Variants in RANBP17 observed in about 807,000 individuals in gnomAD.
The protein encoded by RANBP17 is ran-binding protein 17.
A neutral mutation model predicts 141.2 loss-of-function variants in RANBP17; 158 were observed. The observed-to-expected ratio is 1.12, with a 90% CI of 0.98 to 1.28. The LOEUF (loss-of-function observed/expected upper bound fraction) is 1.28. RANBP17 is among the 50% of genes most tolerant of loss of function. The pLI is 0.00. For missense variants in RANBP17, 1,438 were observed against 1,290.7 expected (o/e 1.11, Z -1.75); for synonymous variants, 430 against 450.0 (o/e 0.96, Z 0.56).
chr5:171,298,485 T>G (rs1165192760), intron 27 of RANBP17, among the ~76,000 whole-genome samples: 1 of 152,232 alleles, frequency 6.6e-6, no homozygotes, highest in African/African-American at 2.4e-5. Flanking sequence ...TCTAAAATTG[T>G]TTTTTAAAAG....
intron 14 of RANBP17, among the ~76,000 whole-genome samples, chr5:171,077,942 C>T (rs111582606): frequency 0.026 from 4,005 of 152,126 alleles, 156 homozygotes; most frequent in African/African-American, 0.09. Flanking sequence ...GAGGAAGCTA[C>T]AGAAGAAAAG....
At chr5:171,129,570 G>A (rs1045970528) in intron 14 of RANBP17, among the ~76,000 whole-genome samples, 5 of 152,164 alleles carry the variant, frequency 3.3e-5, no homozygotes, top group Admixed American at 6.5e-5. Flanking sequence ...AGGCATTGCA[G>A]CTTCAGAACT....
At chr5:170,896,855 A>G (rs2127393567) in intron 5 of RANBP17, 4 of 495,472 alleles carry the variant, frequency 8.1e-6, no homozygotes, top group South Asian at 3.9e-5. Flanking sequence ...GAAACAATAC[A>G]GGCCTTTTGG....
At chr5:171,131,616 G>GA (rs1034995449) in intron 14 of RANBP17, among the ~76,000 whole-genome samples, 2 of 152,158 alleles carry the variant, frequency 1.3e-5, no homozygotes, top group Non-Finnish European at 2.9e-5. Flanking sequence ...GAAGTATGCT[G>GA]AAAAACATGT....
At chr5:170,878,304 G>A in intron 2 of RANBP17, 61 bp downstream of exon 2, 1 of 1,358,758 alleles carries the variant, frequency 7.4e-7, no homozygotes, top group Non-Finnish European at 9.9e-7. Context: ...CATTGTTAAT[G>A]AACTCGTGTG....
chr5:171,045,311 A>C lies in RANBP17; in HGVS notation c.1710+76934A>C, dbSNP rs931830313. On this transcript the variant is annotated intron_variant, in intron 14 of 27. Coordinates refer to ENST00000523189, the MANE Select transcript of RANBP17 (RefSeq NM_022897.5). The stretch of plus-strand genomic sequence containing the variant: ...ATGCAAGGTAGTACTTGATATAACT[A>C]TATGAATGAGAAGAATGAACAGATT... Among the ~76,000 whole-genome samples the C allele has an allele frequency of 3.9e-5, 6 of 152,252 alleles. No individual in the cohort carries two copies. The East Asian group carries it at 1.2e-3, about 29-fold the overall frequency.
intron 14 of RANBP17, among the ~76,000 whole-genome samples, chr5:171,147,525 C>T (rs1157179144): frequency 1.3e-5 from 2 of 151,326 alleles, no homozygotes; most frequent in African/African-American, 2.4e-5. Flanking sequence ...AAGCAATTCT[C>T]CTGCCTCAGC....
At chr5:171,006,499 A>G (rs1779619032) in intron 14 of RANBP17, among the ~76,000 whole-genome samples, 1 of 152,166 alleles carries the variant, frequency 6.6e-6, no homozygotes, top group Non-Finnish European at 1.5e-5. Context: ...CGCAAGGACA[A>G]AAAACCAAAC....
rs555480156 is a variant in RANBP17 at position 170,925,233 on chromosome 5, G to A, written c.1468+683G>A. ...GAGATCATAATCAAATTTACTTCCA[G>A]TGATTTCCCATTTTAACTTAAAAAA... On this transcript the variant is annotated intron_variant, in intron 12 of 27. Coordinates refer to ENST00000523189, the MANE Select transcript of RANBP17 (RefSeq NM_022897.5). Among the ~76,000 whole-genome samples the A allele has an allele frequency of 6.6e-5, 10 of 152,170 alleles. No homozygotes were observed. The South Asian group carries it at 2.1e-3, about 32-fold the overall frequency.
At chr5:171,227,115 T>C (rs1351390498) in intron 22 of RANBP17, among the ~76,000 whole-genome samples, 1 of 152,176 alleles carries the variant, frequency 6.6e-6, no homozygotes, top group Non-Finnish European at 1.5e-5. Flanking sequence ...CAAGTGAAAG[T>C]AAGAGTTGTA....
At position 171,252,511 on chromosome 5, in the gene RANBP17, G is replaced by C. The variant is rs191335226; in HGVS notation, c.2776+9691G>C. On this transcript the variant is annotated intron_variant, in intron 24 of 27. Transcript: ENST00000523189. ...ATGCAGTGAGTACAAGTATTACTGTGAAGAGTGTCGCAGCAAACAGGAAGC... is the reference window on the plus strand; with the variant it reads ...ATGCAGTGAGTACAAGTATTACTGTCAAGAGTGTCGCAGCAAACAGGAAGC... The C allele has an allele frequency of 5.6e-6, 8 of 1,439,080 alleles. No homozygotes were observed. The African/African-American group carries it at 7.0e-5, about 13-fold the overall frequency. 89.1% of individuals were successfully genotyped at this position (1,439,080 alleles called of 1,614,324 possible).
At chr5:171,208,254 C>T (rs1762689165) in intron 20 of RANBP17, among the ~76,000 whole-genome samples, 1 of 152,214 alleles carries the variant, frequency 6.6e-6, no homozygotes, top group South Asian at 2.1e-4. Flanking sequence ...TTTCTATAAA[C>T]ACTGACTGCA....
intron 13 of RANBP17, among the ~76,000 whole-genome samples, chr5:170,955,667 T>TATATATATGCTCAGTATATAC (rs1775626968): frequency 1.5e-5 from 1 of 64,638 alleles, no homozygotes; most frequent in African/African-American, 4.9e-5. Flanking sequence ...TATATATATA[T>TATATATATGCTCAGTATATAC]ATATATATAT....
Position 170,972,428 on chromosome 5 carries a change from C to T in RANBP17, c.1710+4051C>T, listed in dbSNP as rs1777057770. ...CGAACTCCTGACCTCAGGTGATCCACCCACCTTAGCCTCCCTGAGTGTTGC... is the reference window on the plus strand; with the variant it reads ...CGAACTCCTGACCTCAGGTGATCCATCCACCTTAGCCTCCCTGAGTGTTGC... On this transcript the variant is annotated intron_variant, in intron 14 of 27. Coordinates refer to ENST00000523189, the MANE Select transcript of RANBP17 (RefSeq NM_022897.5). Among the ~76,000 whole-genome samples, 3 of 152,070 alleles carry T rather than the reference C, an allele frequency of 2.0e-5. No individual in the cohort carries two copies. In the South Asian group the frequency reaches 6.2e-4, roughly 32 times the overall value.
intron 14 of RANBP17, among the ~76,000 whole-genome samples, chr5:171,154,370 G>A (rs917934037): frequency 4.0e-4 from 60 of 151,690 alleles, no homozygotes; most frequent in African/African-American, 9.4e-4. Context: ...TCCGCCTCCC[G>A]AGTCCACACC....
chr5:170,963,087 T>C (rs3849712), intron 13 of RANBP17, among the ~76,000 whole-genome samples: 91,301 of 152,074 alleles, frequency 0.6, 29,185 homozygotes, highest in South Asian at 0.89. Flanking sequence ...TGGAAAATTA[T>C]TTAATAACAT....
intron 25 of RANBP17, among the ~76,000 whole-genome samples, chr5:171,291,467 C>T (rs1269816784): frequency 1.3e-5 from 2 of 152,192 alleles, no homozygotes; most frequent in Admixed American, 6.5e-5. Context: ...CCCCAGCTCA[C>T]GCAGCCATTC....
At chr5:171,056,186 C>T (rs1039473633) in intron 14 of RANBP17, among the ~76,000 whole-genome samples, 6 of 152,152 alleles carry the variant, frequency 3.9e-5, no homozygotes, top group African/African-American at 1.2e-4. Context: ...GCAGTTAACT[C>T]CTGTCCTGAC....
In RANBP17 at chr5:171,145,395, T is replaced by C. The variant is rs533423302; in HGVS notation, c.1711-24735T>C. ...TACACTTTCTCCTAAGCAAGATTTGTCTTTTTTTTTAAATGAAATACAGAA... is the reference window on the plus strand; with the variant it reads ...TACACTTTCTCCTAAGCAAGATTTGCCTTTTTTTTTAAATGAAATACAGAA... On this transcript the variant is annotated intron_variant, in intron 14 of 27. Transcript: ENST00000523189. 2.0e-5 allele frequency among the ~76,000 whole-genome samples: 3 copies of C among 152,292 alleles called. No homozygotes were observed. The South Asian group carries it at 6.2e-4, about 32-fold the overall frequency.
Sources: allele counts gnomAD v4.1 joint callset (sites outside exome capture counted in the v4.1 genomes callset), GRCh38; gene constraint gnomAD v4.1.1; transcripts MANE v1.5; gene names NCBI Gene and HGNC (gene_info 2026-07-23, HGNC 2026-07-21).